SNTG1: variants seen among roughly 807,000 people sequenced by gnomAD.
SNTG1 encodes the protein syntrophin gamma 1.
In SNTG1, 39 loss-of-function variants were observed where a neutral mutation model predicts 74.7. That is an observed-to-expected ratio of 0.52 (90% confidence interval 0.40 to 0.68). The LOEUF (loss-of-function observed/expected upper bound fraction) is 0.68, where lower values mean the gene tolerates loss of function less well. SNTG1 is among the 30% of genes least tolerant of loss of function. The pLI, the probability that SNTG1 is intolerant of heterozygous loss-of-function variation, is 0.00. For synonymous variants in SNTG1, 254 were observed against 217.1 expected (o/e 1.17, Z -1.49); for missense variants, 685 against 609.5 (o/e 1.12, Z -1.30).
chr8:50,225,404 C>T (rs1586758497), intron 2 of SNTG1, among the ~76,000 whole-genome samples: 1 of 152,188 alleles, frequency 6.6e-6, no homozygotes, highest in Non-Finnish European at 1.5e-5. Flanking sequence ...TAAATGCTTT[C>T]AACCATTGTC....
chr8:50,746,086 A>AT (rs2095554525), intron 17 of SNTG1, among the ~76,000 whole-genome samples: 2 of 151,986 alleles, frequency 1.3e-5, no homozygotes, highest in Non-Finnish European at 2.9e-5. Context: ...TATTTTTATA[A>AT]TTGTTAATGT....
At chr8:50,760,074 G>T (rs117654490) in intron 18 of SNTG1, among the ~76,000 whole-genome samples, 3,857 of 152,106 alleles carry the variant, frequency 0.025, 66 homozygotes, top group Middle Eastern at 0.041. Context: ...CTTGTAAGTT[G>T]TATGCCTAGT....
intron 13 of SNTG1, among the ~76,000 whole-genome samples, chr8:50,604,514 C>T (rs1008252413): frequency 2.6e-5 from 4 of 152,136 alleles, no homozygotes; most frequent in African/African-American, 9.7e-5. Flanking sequence ...AATGCCCTTT[C>T]CACTTTTCCC....
intron 13 of SNTG1, among the ~76,000 whole-genome samples, chr8:50,641,126 T>G (rs771587983): frequency 6.6e-6 from 1 of 152,136 alleles, no homozygotes; most frequent in Non-Finnish European, 1.5e-5. Flanking sequence ...GAAAAACAAA[T>G]AGCCATAGTG....
chr8:50,306,053 C>T (rs775982924), intron 2 of SNTG1, among the ~76,000 whole-genome samples: 2 of 150,390 alleles, frequency 1.3e-5, no homozygotes, highest in Non-Finnish European at 1.5e-5. Context: ...CCCTCCCACC[C>T]TCCCCCTTCT....
chr8:50,032,905 G>A (rs144820512), intron 1 of SNTG1, among the ~76,000 whole-genome samples: 1,577 of 151,744 alleles, frequency 0.01, 4 homozygotes, highest in Non-Finnish European at 0.015. Flanking sequence ...CAATAATCTG[G>A]TCCCATCCCC....
chr8:50,265,806 C>A, intron 2 of SNTG1, among the ~76,000 whole-genome samples: 1 of 150,980 alleles, frequency 6.6e-6, no homozygotes. Flanking sequence ...GATGAAAAAC[C>A]TTTAAATGAA....
chr8:50,203,327 G>A (rs766763058), intron 2 of SNTG1, among the ~76,000 whole-genome samples: 10 of 152,046 alleles, frequency 6.6e-5, no homozygotes, highest in Non-Finnish European at 1.0e-4. Context: ...TAGGGCTCCA[G>A]CAGCCCATCC....
intron 2 of SNTG1, among the ~76,000 whole-genome samples, chr8:50,210,647 G>T (rs1256202670): frequency 6.6e-6 from 1 of 152,154 alleles, no homozygotes; most frequent in Non-Finnish European, 1.5e-5. Flanking sequence ...AAGTGAAGGA[G>T]AAGTAAATTC....
chr8:49,984,100 T>G (rs1224777383), intron 1 of SNTG1, among the ~76,000 whole-genome samples: 1 of 152,238 alleles, frequency 6.6e-6, no homozygotes, highest in Non-Finnish European at 1.5e-5. Context: ...GCTCAAACAT[T>G]TGGCATTATA....
chr8:50,209,230 G>T (rs192126964), intron 2 of SNTG1, among the ~76,000 whole-genome samples: 1 of 152,058 alleles, frequency 6.6e-6, no homozygotes, highest in Non-Finnish European at 1.5e-5. Flanking sequence ...CAGGAAGTTC[G>T]AACTGGATGG....
intron 2 of SNTG1, among the ~76,000 whole-genome samples, chr8:50,294,930 G>A (rs2089294472): frequency 6.6e-6 from 1 of 152,022 alleles, no homozygotes; most frequent in Non-Finnish European, 1.5e-5. Flanking sequence ...GCCGGACAAC[G>A]AGCACTAAAA....
At chr8:50,148,776 C>T (rs1043570531) in intron 1 of SNTG1, among the ~76,000 whole-genome samples, 1 of 152,200 alleles carries the variant, frequency 6.6e-6, no homozygotes, top group African/African-American at 2.4e-5. Context: ...ATATGTGCCA[C>T]ATTTTCTTAA....
chr8:50,543,744 T>C (rs1024011620), intron 11 of SNTG1, among the ~76,000 whole-genome samples: 4 of 152,092 alleles, frequency 2.6e-5, no homozygotes, highest in Admixed American at 2.6e-4. Context: ...AATAGTATTT[T>C]AGTCTTTTAA....
At position 50,197,612 on chromosome 8, in the gene SNTG1, A is replaced by C. The variant is rs377184222; in HGVS notation, c.-28+24977A>C. 5.3e-5 allele frequency among the ~76,000 whole-genome samples: 8 copies of C among 152,294 alleles called. No homozygotes were observed. In the East Asian group the frequency reaches 9.6e-4, roughly 18 times the overall value. On this transcript the variant is annotated intron_variant, in intron 2 of 18. Transcript: ENST00000642720. ...ATATTTATCTGTGATCTGACTTTCT[A>C]AGATTTTCACATGCTTAAATTTTGT... is the stretch of plus-strand genomic sequence containing the variant.
chr8:50,317,914 G>T (rs2090373114), intron 2 of SNTG1, among the ~76,000 whole-genome samples: 1 of 152,104 alleles, frequency 6.6e-6, no homozygotes, highest in South Asian at 2.1e-4. Context: ...TCTGCTCACT[G>T]CAAGCTCCGC....
chr8:50,174,145 C>T (rs1292337698), intron 2 of SNTG1, among the ~76,000 whole-genome samples: 4 of 152,170 alleles, frequency 2.6e-5, no homozygotes, highest in Admixed American at 6.5e-5. Context: ...GCTTCATCCA[C>T]GTCCCTGCAA....
intron 1 of SNTG1, among the ~76,000 whole-genome samples, chr8:50,129,245 C>T (rs1304332510): frequency 6.6e-6 from 1 of 152,026 alleles, no homozygotes; most frequent in African/African-American, 2.4e-5. Context: ...GTTTAGCACA[C>T]ACGCTGCCCG....
intron 13 of SNTG1, among the ~76,000 whole-genome samples, chr8:50,636,731 A>G (rs1398695933): frequency 2.0e-5 from 3 of 152,126 alleles, no homozygotes; most frequent in Non-Finnish European, 2.9e-5. Context: ...AAAATCAGGT[A>G]CTGTGTTTGC....
Sources: allele counts gnomAD v4.1 joint callset (sites outside exome capture counted in the v4.1 genomes callset), GRCh38; gene constraint gnomAD v4.1.1; transcripts MANE v1.5; gene names NCBI Gene and HGNC (gene_info 2026-07-23, HGNC 2026-07-21).